SLC44A2: variants seen among roughly 807,000 people sequenced by gnomAD.
SLC44A2 encodes choline transporter-like protein 2.
A neutral mutation model predicts 90.8 loss-of-function variants in SLC44A2; 57 were observed. That is an observed-to-expected ratio of 0.63 (90% CI 0.51 to 0.78). SLC44A2 has a LOEUF of 0.78. Ranked by LOEUF, SLC44A2 falls within the 30% of genes least tolerant of loss-of-function variation. SLC44A2 has a pLI of 0.00. For synonymous variants in SLC44A2, 355 were observed against 360.7 expected (o/e 0.98, Z 0.18); for missense variants, 794 against 919.7 (o/e 0.86, Z 1.77).
At chr19:10,608,012 G>A (rs1349163993) in intron 1 of SLC44A2, among the ~76,000 whole-genome samples, 3 of 151,924 alleles carry the variant, frequency 2.0e-5, no homozygotes, top group Non-Finnish European at 4.4e-5. Context: ...CTCCCAAAGT[G>A]CTGGGATTAC....
intron 10 of SLC44A2, among the ~76,000 whole-genome samples, chr19:10,632,916 C>T (rs1042146053): frequency 6.6e-6 from 1 of 151,882 alleles, no homozygotes; most frequent in Non-Finnish European, 1.5e-5. Context: ...AGGAGATCTG[C>T]CCGCTTCAGC....
chr19:10,614,730 G>A (rs552215033), intron 1 of SLC44A2, among the ~76,000 whole-genome samples: 6 of 152,214 alleles, frequency 3.9e-5, no homozygotes, highest in African/African-American at 1.4e-4. Context: ...CAGCACTTTG[G>A]GAGGCTGAGG....
At chr19:10,636,844 G>A in intron 16 of SLC44A2, 88 bp downstream of exon 16, 3 of 1,360,736 alleles carry the variant, frequency 2.2e-6, no homozygotes, top group East Asian at 2.5e-5. Context: ...GGAGGTGGGC[G>A]GGGCCAAGAT....
intron 4 of SLC44A2, among the ~76,000 whole-genome samples, chr19:10,628,918 T>G (rs11670384): frequency 0.12 from 17,890 of 151,880 alleles, 1,487 homozygotes; most frequent in Non-Finnish European, 0.19. Context: ...GTACAGAGCT[T>G]AGAATGCCAC....
rs2067075933 is a variant in SLC44A2 at position 10,637,882 on chromosome 19, C to T, written c.1722C>T (p.Cys574=). The part of the protein sequence containing the change: ...IMIAIYGTNF[C]TSARNAFFLL... ...TTGCCATCTACGGCACCAATTTCTGCACCTCGGCCAGGAATGCCTTCTTCC... is the reference window on the plus strand; with the variant it reads ...TTGCCATCTACGGCACCAATTTCTGTACCTCGGCCAGGAATGCCTTCTTCC... The change falls in exon 18 of 22, where the codon TGC becomes TGT. Residue 574 remains cysteine, a synonymous_variant. Coordinates refer to ENST00000335757, the MANE Select transcript of SLC44A2 (RefSeq NM_020428.4). 6.2e-7 allele frequency: 1 copy of T among 1,614,144 alleles called. No individual in the cohort carries two copies. The highest frequency in any genetic ancestry group is 1.3e-5 in the African/African-American group (1 of 75,042).
chr19:10,636,862 C>A, intron 16 of SLC44A2, 106 bp downstream of exon 16: 1 of 1,154,648 alleles, frequency 8.7e-7, no homozygotes, highest in Non-Finnish European at 1.2e-6. Flanking sequence ...GATAATAGAG[C>A]AGTGATGGGT....
chr19:10,643,508 G>A lies in SLC44A2; in HGVS notation c.*123G>A. 2 of 1,151,760 alleles carry A rather than the reference G, an allele frequency of 1.7e-6. No individual in the cohort carries two copies. The highest frequency in any genetic ancestry group is 1.6e-5 in the South Asian group (1 of 60,774). The allele number at this position is 1,151,760 out of a possible 1,614,324, so 71.3% of individuals were successfully genotyped here. ...TCACTGCCGCTCTGCCCCTCCCCAT[G>A]AGCCAGATCCCACCAGTTTCTGGAC... On this transcript the variant is annotated 3_prime_UTR_variant, in exon 22 of 22. Transcript: ENST00000335757.
rs187249645 is a variant in SLC44A2 at position 10,607,135 on chromosome 19, G to T, written c.31+4574G>T. ...TCGCCATGTTAGCCAGGATGGTCTC[G>T]ATCTCCTGACCTTGTGATCAGCCTG... On this transcript the variant is annotated intron_variant, in intron 1 of 21. Transcript: ENST00000407327. Among the ~76,000 whole-genome samples, 10 of 152,018 alleles carry T rather than the reference G, an allele frequency of 6.6e-5. No homozygotes were observed. In the East Asian group the frequency reaches 1.9e-3, roughly 29 times the overall value.
At position 10,627,957 on chromosome 19, in the gene SLC44A2, C is replaced by T. The variant is rs146675623; in HGVS notation, c.198C>T (p.Pro66=). ...GAGACCCTCGAAAGGTGATCTACCC[C>T]ACTGACAGCCGGGGCGAGTTCTGCG... is the stretch of plus-strand genomic sequence containing the variant. ...THGDPRKVIY[P]TDSRGEFCGQ... is the part of the protein sequence containing the mutation. The change falls in exon 4 of 22, where the codon CCC becomes CCT. Residue 66 remains proline, a synonymous_variant. Coordinates refer to ENST00000335757, the MANE Select transcript of SLC44A2 (RefSeq NM_020428.4). 7 of 1,613,926 alleles carry T rather than the reference C, an allele frequency of 4.3e-6. No homozygotes were observed. The highest frequency in any genetic ancestry group is 5.9e-6 in the Non-Finnish European group (7 of 1,179,966).
At chr19:10,625,712 G>T in intron 1 of SLC44A2, 42 bp downstream of exon 1, 1 of 1,237,558 alleles carries the variant, frequency 8.1e-7, no homozygotes, top group East Asian at 3.2e-5. Context: ...CCGACCCCTC[G>T]GTCCCTCGGA....
At chr19:10,603,447 G>C (rs1918017724) in intron 1 of SLC44A2, among the ~76,000 whole-genome samples, 2 of 152,210 alleles carry the variant, frequency 1.3e-5, no homozygotes, top group East Asian at 3.9e-4. Flanking sequence ...CTCTTTGTGT[G>C]ACAAGAACTT....
chr19:10,643,412 G>C lies in SLC44A2; in HGVS notation c.*27G>C, dbSNP rs1459648254. On this transcript the variant is annotated 3_prime_UTR_variant, in exon 22 of 22. Transcript: ENST00000335757. ...GGCCCCGTGCTCCCCACCTCTCAAG[G>C]AGTCTCATGCCGCAGGGTGCTCAGT... 6.3e-7 allele frequency: 1 copy of C among 1,593,338 alleles called. No homozygotes were observed. The highest frequency in any genetic ancestry group is 8.6e-7 in the Non-Finnish European group (1 of 1,168,056).
chr19:10,625,288 C>T (rs2066920748), upstream of SLC44A2: 2 of 313,246 alleles, frequency 6.4e-6, no homozygotes, highest in Non-Finnish European at 1.1e-5. Context: ...AACGAAGCCA[C>T]GGAAACGCCC....
chr19:10,642,698 A>G (rs1218413087), intron 21 of SLC44A2, among the ~76,000 whole-genome samples: 3 of 152,036 alleles, frequency 2.0e-5, no homozygotes, highest in Non-Finnish European at 2.9e-5. Flanking sequence ...CGCGCTTCGC[A>G]GTTTCTGGCT....
chr19:10,635,233 G>A lies in SLC44A2; in HGVS notation c.1126G>A (p.Ala376Thr), dbSNP rs772464051. 14 of 1,613,704 alleles carry A rather than the reference G, an allele frequency of 8.7e-6. No individual in the cohort carries two copies. The highest frequency in any genetic ancestry group is 3.3e-5 in the South Asian group (3 of 91,070). The part of the protein sequence containing the change: ...VTFFLLCLCI[A>T]YWASTAVFLS... ...CTTCTTCTTGCTGTGCCTCTGCATCGCCTACTGGGCCAGCACTGCTGTGTA... is the reference window on the plus strand; with the variant it reads ...CTTCTTCTTGCTGTGCCTCTGCATCACCTACTGGGCCAGCACTGCTGTGTA... Residue 376 changes from alanine to threonine, a missense_variant, in exon 13 of 22, where the codon GCC becomes ACC. Ala to Thr is a moderately conservative substitution (Grantham distance 58). This residue lies in a region of SLC44A2 where 738 missense variants were observed against 841.1 expected (regional missense o/e 0.88). Coordinates refer to ENST00000335757, the MANE Select transcript of SLC44A2 (RefSeq NM_020428.4).
intron 5 of SLC44A2, 38 bp from the exon 6 acceptor site, chr19:10,631,237 C>T: frequency 2.5e-6 from 4 of 1,609,658 alleles, no homozygotes; most frequent in Non-Finnish European, 2.6e-6. Flanking sequence ...GAGCAGTCTG[C>T]CCCAACTCCA....
rs1317097050 is a variant in SLC44A2 at position 10,643,946 on chromosome 19, C to T, written c.*561C>T. ...TGTCTCAACAGCTGAGATGGGGCCGCCAAGGAGTGCCTTCCTTTTGCTCCC... is the reference window on the plus strand; with the variant it reads ...TGTCTCAACAGCTGAGATGGGGCCGTCAAGGAGTGCCTTCCTTTTGCTCCC... On this transcript the variant is annotated 3_prime_UTR_variant, in exon 22 of 22. Coordinates refer to ENST00000335757, the MANE Select transcript of SLC44A2 (RefSeq NM_020428.4). 6.5e-6 allele frequency: 1 copy of T among 152,680 alleles called. No homozygotes were observed. The highest frequency in any genetic ancestry group is 1.5e-5 in the Non-Finnish European group (1 of 68,106). The allele number at this position is 152,680 out of a possible 1,614,324, so 9.5% of individuals were successfully genotyped here.
intron 20 of SLC44A2, among the ~76,000 whole-genome samples, chr19:10,642,065 C>T (rs951907672): frequency 1.0e-4 from 15 of 150,046 alleles, no homozygotes; most frequent in African/African-American, 3.7e-4. Context: ...GAGGCTGAGG[C>T]AGAATTGCTT....
At chr19:10,634,360 A>G (rs2144869882) in intron 10 of SLC44A2, among the ~76,000 whole-genome samples, 1 of 151,572 alleles carries the variant, frequency 6.6e-6, no homozygotes, top group South Asian at 2.1e-4. Context: ...GCTGCTCGGG[A>G]AGCTGAGGCA....
Sources: allele counts gnomAD v4.1 joint callset (sites outside exome capture counted in the v4.1 genomes callset), GRCh38; gene constraint gnomAD v4.1.1; regional missense constraint gnomAD v4.1.1; transcripts MANE v1.5; gene names NCBI Gene and HGNC (gene_info 2026-07-23, HGNC 2026-07-21).